FER: variants seen among roughly 807,000 people sequenced by gnomAD.
FER encodes the protein FER tyrosine kinase, also known as tyrosine-protein kinase Fer.
FER carries 63 observed loss-of-function variants against 111.0 expected under a neutral mutation model. The observed-to-expected ratio is 0.57, with a 90% CI of 0.46 to 0.70. The LOEUF is 0.70. Ranked by LOEUF, FER falls within the 30% of genes least tolerant of loss-of-function variation. The pLI is 0.00. For synonymous variants in FER, 327 were observed against 313.9 expected (o/e 1.04, Z -0.44); for missense variants, 914 against 954.0 (o/e 0.96, Z 0.55).
At chr5:108,909,785 A>G (rs1751294055) in intron 10 of FER, among the ~76,000 whole-genome samples, 1 of 150,746 alleles carries the variant, frequency 6.6e-6, no homozygotes, top group South Asian at 2.1e-4. Context: ...GTATTTATAT[A>G]TGTATCATAT....
intron 13 of FER, among the ~76,000 whole-genome samples, chr5:109,027,065 T>TA (rs1392658613): frequency 4.6e-5 from 7 of 152,220 alleles, no homozygotes; most frequent in African/African-American, 1.7e-4. Flanking sequence ...ATTCATCTGC[T>TA]ACAGGTATTA....
chr5:108,986,987 T>C (rs1287885095), intron 13 of FER, among the ~76,000 whole-genome samples: 2 of 152,090 alleles, frequency 1.3e-5, no homozygotes, highest in Non-Finnish European at 2.9e-5. Context: ...TCAAGAATGA[T>C]GGTGGTATTT....
chr5:109,147,217 C>G lies in FER; in HGVS notation c.2049-33530C>G, dbSNP rs147868676. 3.2e-3 allele frequency among the ~76,000 whole-genome samples: 483 copies of G among 151,676 alleles called. 1 individual carries two copies. Among genetic ancestry groups the G allele is most frequent in the African/African-American group, 0.011 (459 of 41,398 alleles). ...AAATTGAATAGTCATTAAAGAAATA[C>G]AGAATAAAAATAAATAAGATACTTG... On this transcript the variant is annotated intron_variant, in intron 17 of 19. Coordinates refer to ENST00000281092, the MANE Select transcript of FER (RefSeq NM_005246.4).
In FER at chr5:109,190,046, T is replaced by C. The variant is rs1464713914; in HGVS notation, c.*2471T>C. ...GTCATATAGAATATTAAATTTAATA[T>C]AGTCACATGCATTAAGAAAAACTTA... On this transcript the variant is annotated 3_prime_UTR_variant, in exon 20 of 20. Coordinates refer to ENST00000281092, the MANE Select transcript of FER (RefSeq NM_005246.4). 6.6e-6 allele frequency: 1 copy of C among 152,206 alleles called. No homozygotes were observed. Among genetic ancestry groups the C allele is most frequent in the African/African-American group, 2.4e-5 (1 of 41,456 alleles). 9.4% of individuals were successfully genotyped at this position (152,206 alleles called of 1,614,324 possible). A position where few individuals can be genotyped will look rare whatever the true frequency, so the allele number is the denominator to read the frequency against.
Position 109,193,119 on chromosome 5 carries a change from C to A in FER, c.*5544C>A, listed in dbSNP as rs941349106. ...GCGTGCCTCTTAAGTCTCTACAACACTTTTTTAAAGGGCATTGAATTGGAC... is the reference window on the plus strand; with the variant it reads ...GCGTGCCTCTTAAGTCTCTACAACAATTTTTTAAAGGGCATTGAATTGGAC... On this transcript the variant is annotated 3_prime_UTR_variant, in exon 20 of 20. Transcript: ENST00000281092. The A allele has an allele frequency of 2.6e-5, 4 of 152,156 alleles. No individual in the cohort carries two copies. The highest frequency in any genetic ancestry group is 9.7e-5 in the African/African-American group (4 of 41,446). The allele number at this position is 152,156 out of a possible 1,614,324, so 9.4% of individuals were successfully genotyped here.
At chr5:108,919,607 CA>C (rs1205800190) in intron 10 of FER, among the ~76,000 whole-genome samples, 4 of 152,218 alleles carry the variant, frequency 2.6e-5, no homozygotes, top group Non-Finnish European at 5.9e-5. Flanking sequence ...AGATATATAA[CA>C]TACTTTATTT....
rs575667475 is a variant in FER at position 109,047,587 on chromosome 5, A to G, written c.1924+389A>G. On this transcript the variant is annotated intron_variant, in intron 16 of 19. Coordinates refer to ENST00000281092, the MANE Select transcript of FER (RefSeq NM_005246.4). ...CATCTCCACACAACCTCTCTTCTAA[A>G]TGTTTAAATTAATTTTTAATTTTTT... Among the ~76,000 whole-genome samples, 110 of 152,230 alleles carry G rather than the reference A, an allele frequency of 7.2e-4. 1 individual carries two copies. Among genetic ancestry groups the G allele is most frequent in the South Asian group, 4.1e-3 (20 of 4,826 alleles).
At chr5:109,074,276 G>T (rs137897020) in intron 16 of FER, among the ~76,000 whole-genome samples, 12 of 152,268 alleles carry the variant, frequency 7.9e-5, no homozygotes, top group Admixed American at 1.3e-4. Context: ...ACACTTTTCA[G>T]TTGCTACTTG....
intron 9 of FER, among the ~76,000 whole-genome samples, chr5:108,884,837 T>A (rs116431407): frequency 0.012 from 1,871 of 152,116 alleles, 33 homozygotes; most frequent in African/African-American, 0.042. Flanking sequence ...CCTATCGCTA[T>A]GGAAATGGGT....
chr5:109,147,796 TATATAGAGAGAGAG>T (rs897591433), intron 17 of FER, among the ~76,000 whole-genome samples: 4 of 117,986 alleles, frequency 3.4e-5, no homozygotes, highest in African/African-American at 9.5e-5. Context: ...TATATATATA[TATATAGAGAGAGAG>T]AGAGAGAGAG....
chr5:109,095,335 C>T (rs771239143), intron 16 of FER, among the ~76,000 whole-genome samples: 3 of 152,042 alleles, frequency 2.0e-5, no homozygotes, highest in Non-Finnish European at 2.9e-5. Context: ...TAATCTTCCT[C>T]ATCTTGCCCC....
At chr5:109,113,803 G>T (rs1042602615) in intron 17 of FER, among the ~76,000 whole-genome samples, 2 of 152,034 alleles carry the variant, frequency 1.3e-5, no homozygotes, top group African/African-American at 4.8e-5. Flanking sequence ...CTTTATAAAT[G>T]CTTACTCATG....
intron 13 of FER, among the ~76,000 whole-genome samples, chr5:109,006,401 A>G (rs574463432): frequency 1.3e-5 from 2 of 152,210 alleles, no homozygotes; most frequent in South Asian, 2.1e-4. Flanking sequence ...TTCCTCTGCA[A>G]GTGTTCTCTT....
intron 2 of FER, among the ~76,000 whole-genome samples, chr5:108,773,617 C>T (rs1234171169): frequency 6.6e-6 from 1 of 151,816 alleles, no homozygotes; most frequent in Non-Finnish European, 1.5e-5. Context: ...TAGGTTAATT[C>T]CGTGTCTTTG....
intron 5 of FER, among the ~76,000 whole-genome samples, 158 bp from the exon 6 acceptor site, chr5:108,867,609 G>C (rs1277556061): frequency 6.6e-6 from 1 of 151,966 alleles, no homozygotes; most frequent in African/African-American, 2.4e-5. Flanking sequence ...ACAGTACCTT[G>C]CATAAAGCTA....
At chr5:108,770,289 C>T (rs910687164) in intron 2 of FER, among the ~76,000 whole-genome samples, 29 of 152,214 alleles carry the variant, frequency 1.9e-4, no homozygotes, top group South Asian at 4.1e-4. Flanking sequence ...TTTTATCTGA[C>T]TTCAGAGTCT....
intron 17 of FER, among the ~76,000 whole-genome samples, chr5:109,137,934 C>G (rs1317417089): frequency 6.6e-6 from 1 of 152,168 alleles, no homozygotes; most frequent in Non-Finnish European, 1.5e-5. Context: ...GCTATCCTGG[C>G]CTATTTTCTC....
intron 9 of FER, among the ~76,000 whole-genome samples, chr5:108,888,143 TTAA>T (rs948139065): frequency 1.3e-5 from 2 of 151,888 alleles, no homozygotes; most frequent in African/African-American, 4.8e-5. Flanking sequence ...AAGCTAAGAC[TTAA>T]TAATCTAGAA....
At chr5:109,065,272 A>G (rs1774943128) in intron 16 of FER, among the ~76,000 whole-genome samples, 1 of 152,238 alleles carries the variant, frequency 6.6e-6, no homozygotes, top group African/African-American at 2.4e-5. Flanking sequence ...CTTTGAATCA[A>G]AATTTTAAAA....
Sources: allele counts gnomAD v4.1 joint callset (sites outside exome capture counted in the v4.1 genomes callset), GRCh38; gene constraint gnomAD v4.1.1; transcripts MANE v1.5; gene names NCBI Gene and HGNC (gene_info 2026-07-23, HGNC 2026-07-21).